Variants in ADAMTSL1 observed in about 807,000 individuals in gnomAD.
ADAMTSL1 encodes the protein ADAMTS-like protein 1.
In ADAMTSL1, 126 loss-of-function variants were observed where a neutral mutation model predicts 201.8. The observed-to-expected ratio is 0.62, with a 90% CI of 0.54 to 0.72. ADAMTSL1 has a LOEUF of 0.72. Ranked by LOEUF, ADAMTSL1 falls within the 30% of genes least tolerant of loss-of-function variation. The pLI, the probability that ADAMTSL1 is intolerant of heterozygous loss-of-function variation, is 0.00. For missense variants in ADAMTSL1, 2,679 were observed against 2,277.8 expected, an observed-to-expected ratio of 1.18 and a Z score of -3.59; for synonymous variants, 1,121 against 903.4, an observed-to-expected ratio of 1.24 and a Z score of -4.32.
At chr9:18,181,491 C>A (rs1170585627) in intron 2 of ADAMTSL1, among the ~76,000 whole-genome samples, 1 of 151,696 alleles carries the variant, frequency 6.6e-6, no homozygotes, top group Non-Finnish European at 1.5e-5. Flanking sequence ...TGAACAGACA[C>A]TTCTCAAAAG....
At chr9:18,776,537 G>T (rs2133750649) in intron 18 of ADAMTSL1, among the ~76,000 whole-genome samples, 1 of 152,302 alleles carries the variant, frequency 6.6e-6, no homozygotes, top group African/African-American at 2.4e-5. Context: ...TTCTGATTGT[G>T]GTGGCAGCTT....
intron 1 of ADAMTSL1, among the ~76,000 whole-genome samples, chr9:18,499,795 T>A (rs1044000356): frequency 1.3e-5 from 2 of 152,328 alleles, no homozygotes; most frequent in Middle Eastern, 3.4e-3. Flanking sequence ...TCTGTTGACA[T>A]CTGAAAAACA....
intron 9 of ADAMTSL1, among the ~76,000 whole-genome samples, chr9:18,668,798 T>C (rs145397307): frequency 3.9e-4 from 59 of 152,304 alleles, no homozygotes; most frequent in African/African-American, 1.4e-3. Context: ...CTGTTTGAAG[T>C]TTATAAGGTG....
rs1453935956 is a variant in ADAMTSL1, at chr9:18,168,715, T to C, written c.207+4734T>C. Among the ~76,000 whole-genome samples, 305 of 144,946 alleles carry C rather than the reference T, an allele frequency of 2.1e-3. 1 individual carries two copies. The highest frequency in any genetic ancestry group is 6.8e-3 in the African/African-American group (271 of 39,890). ...GGAATCGCCACACTGACTTCCACAA[T>C]GGTTGAACTAGTTTACAGTCCCACC... On this transcript the variant is annotated intron_variant, in intron 2 of 29. Coordinates refer to the ADAMTSL1 transcript ENST00000680146.
intron 1 of ADAMTSL1, among the ~76,000 whole-genome samples, chr9:17,932,201 T>A (rs1588436535): frequency 6.6e-6 from 1 of 152,222 alleles, no homozygotes; most frequent in East Asian, 1.9e-4. Flanking sequence ...TGCTCCTTTC[T>A]TGCAGCTGTA....
intron 1 of ADAMTSL1, among the ~76,000 whole-genome samples, chr9:18,102,862 T>A (rs980154357): frequency 2.6e-5 from 4 of 152,170 alleles, no homozygotes; most frequent in African/African-American, 9.7e-5. Context: ...TAGATTTGAA[T>A]AATCAGAGCT....
At chr9:17,979,951 T>A (rs973510323) in intron 1 of ADAMTSL1, among the ~76,000 whole-genome samples, 1 of 152,036 alleles carries the variant, frequency 6.6e-6, no homozygotes, top group Non-Finnish European at 1.5e-5. Context: ...CTGAGGGGGC[T>A]AACATGAAGC....
At chr9:18,779,020 G>A (rs1424923614) in intron 19 of ADAMTSL1, among the ~76,000 whole-genome samples, 3 of 152,202 alleles carry the variant, frequency 2.0e-5, no homozygotes, top group African/African-American at 7.2e-5. Flanking sequence ...GGTAAGGAAG[G>A]AAAGAAGCCA....
At chr9:18,698,986 A>G (rs1831751230) in intron 13 of ADAMTSL1, among the ~76,000 whole-genome samples, 1 of 152,242 alleles carries the variant, frequency 6.6e-6, no homozygotes, top group African/African-American at 2.4e-5. Flanking sequence ...GATGACTTCA[A>G]CAAAGTGCTC....
At chr9:18,025,584 ATTC>A (rs933007633) in intron 1 of ADAMTSL1, among the ~76,000 whole-genome samples, 22 of 151,714 alleles carry the variant, frequency 1.5e-4, no homozygotes, top group African/African-American at 5.3e-4. Context: ...TTATTTCTGG[ATTC>A]TCTATTCTGT....
intron 2 of ADAMTSL1, among the ~76,000 whole-genome samples, chr9:18,313,869 A>G (rs780340045): frequency 2.0e-5 from 3 of 152,172 alleles, no homozygotes; most frequent in Non-Finnish European, 4.4e-5. Context: ...CTGCACAGCA[A>G]ACAGTCAACC....
intron 3 of ADAMTSL1, among the ~76,000 whole-genome samples, chr9:18,544,696 CT>C (rs1356641334): frequency 6.6e-6 from 1 of 152,180 alleles, no homozygotes; most frequent in Non-Finnish European, 1.5e-5. Context: ...GGATTGATGG[CT>C]AATGCCAAGC....
rs367861504 is a variant in ADAMTSL1 at position 17,994,090 on chromosome 9, T to TTGTGTGTGTGTGTGTG, written c.87+87184_87+87199dup. On this transcript the variant is annotated intron_variant, in intron 1 of 29. Coordinates refer to the ADAMTSL1 transcript ENST00000680146. ...CTCCACCTCGGCAGACAGAATCTCA[T>TTGTGTGTGTGTGTGTG]TGTGTGTGTGTGTGTGTGTGTGTGT... Among the ~76,000 whole-genome samples the TTGTGTGTGTGTGTGTG allele has an allele frequency of 4.7e-3, 669 of 142,168 alleles. 4 individuals are homozygous for TTGTGTGTGTGTGTGTG. Among genetic ancestry groups the TTGTGTGTGTGTGTGTG allele is most frequent in the African/African-American group, 0.016 (633 of 39,154 alleles). The allele number at this position is 142,168 out of a possible 152,430, so 93.3% of individuals were successfully genotyped here.
intron 13 of ADAMTSL1, among the ~76,000 whole-genome samples, chr9:18,702,775 T>G (rs1290736286): frequency 6.6e-6 from 1 of 152,144 alleles, no homozygotes; most frequent in Non-Finnish European, 1.5e-5. Flanking sequence ...AGTTTTTTTT[T>G]TTTTCAAGCC....
chr9:18,311,004 C>T (rs555548694), intron 2 of ADAMTSL1, among the ~76,000 whole-genome samples: 24 of 151,142 alleles, frequency 1.6e-4, no homozygotes, highest in South Asian at 8.4e-4. Flanking sequence ...CACATATACA[C>T]CATGGAATAC....
At chr9:18,322,587 T>A (rs1402176088) in intron 2 of ADAMTSL1, among the ~76,000 whole-genome samples, 1 of 152,076 alleles carries the variant, frequency 6.6e-6, no homozygotes, top group Non-Finnish European at 1.5e-5. Flanking sequence ...GAGCCGAGAT[T>A]GTGCCACTGC....
intron 4 of ADAMTSL1, among the ~76,000 whole-genome samples, chr9:18,584,926 C>T (rs963486465): frequency 6.6e-6 from 1 of 152,162 alleles, no homozygotes; most frequent in East Asian, 1.9e-4. Context: ...TTTATTATAA[C>T]TTACTCAGTC....
intron 2 of ADAMTSL1, among the ~76,000 whole-genome samples, chr9:18,465,211 G>A (rs1820957459): frequency 6.6e-6 from 1 of 152,130 alleles, no homozygotes; most frequent in Non-Finnish European, 1.5e-5. Flanking sequence ...AGTATGAAAT[G>A]GGCCAAGCTT....
At chr9:18,763,756 G>T (rs1594807) in intron 16 of ADAMTSL1, among the ~76,000 whole-genome samples, 117,117 of 152,152 alleles carry the variant, frequency 0.77, 45,410 homozygotes, top group East Asian at 0.92. Flanking sequence ...TTTCCCCAGT[G>T]TATGTTCTTG....
Sources: allele counts gnomAD v4.1 joint callset (sites outside exome capture counted in the v4.1 genomes callset), GRCh38; gene constraint gnomAD v4.1.1; transcripts MANE v1.5; gene names NCBI Gene and HGNC (gene_info 2026-07-23, HGNC 2026-07-21).